REV1: variants seen among roughly 807,000 people sequenced by gnomAD.
REV1 encodes translesion synthesis protein REV1.
Under a neutral mutation model 137.4 loss-of-function variants are expected in REV1, and 42 were observed. That is an observed-to-expected ratio of 0.31 (90% CI 0.24 to 0.40). REV1 has a LOEUF of 0.40. Ranked by LOEUF, REV1 falls within the 10% of genes least tolerant of loss-of-function variation. The pLI is 1.00. For missense variants in REV1, 1,282 were observed against 1,490.1 expected (o/e 0.86, Z 2.30); for synonymous variants, 524 against 519.2 (o/e 1.01, Z -0.12).
chr2:99,429,289 G>A (rs1679805229), intron 9 of REV1, among the ~76,000 whole-genome samples: 1 of 152,066 alleles, frequency 6.6e-6, no homozygotes, highest in African/African-American at 2.4e-5. Context: ...TTATAATTAT[G>A]GTTTCAGATC....
chr2:99,401,054 AT>A lies in REV1; in HGVS notation c.*186del, dbSNP rs1409327094. ...ATAGAATCTATGCTACAGTAAAATA[AT>A]TAACACAATTATTTACATGCAATAC... On this transcript the variant is annotated 3_prime_UTR_variant, in exon 23 of 23. Transcript: ENST00000258428. The A allele has an allele frequency of 2.5e-6, 1 of 395,344 alleles. No individual in the cohort carries two copies. Among genetic ancestry groups the A allele is most frequent in the Non-Finnish European group, 4.4e-6 (1 of 229,002 alleles). The allele number at this position is 395,344 out of a possible 1,614,324, so 24.5% of individuals were successfully genotyped here. A position where few individuals can be genotyped will look rare whatever the true frequency, so the allele number is the denominator to read the frequency against.
chr2:99,400,847 G>A lies in REV1; in HGVS notation c.*394C>T, dbSNP rs1156655844. 1 of 155,020 alleles carries A rather than the reference G, an allele frequency of 6.5e-6. No homozygotes were observed. Among genetic ancestry groups the A allele is most frequent in the Non-Finnish European group, 1.4e-5 (1 of 69,780 alleles). The allele number at this position is 155,020 out of a possible 1,614,324, so 9.6% of individuals were successfully genotyped here. On this transcript the variant is annotated 3_prime_UTR_variant, in exon 23 of 23. Transcript: ENST00000258428. ...GACCTCTCAGGAATTTCAGAGCTTA[G>A]CAGTCTGGCCTGGAGGTTTTTCAGC...
chr2:99,477,424 C>G (rs544265223), intron 1 of REV1, among the ~76,000 whole-genome samples: 1 of 152,282 alleles, frequency 6.6e-6, no homozygotes, highest in South Asian at 2.1e-4. Flanking sequence ...TGTGGAACCC[C>G]TAAAACACTG....
chr2:99,429,907 C>G lies in REV1; in HGVS notation c.1480G>C (p.Ala494Pro). The stretch of plus-strand genomic sequence containing the variant: ...ACAGAATCAATTCCATTTGCTTGCG[C>G]AGAATCTGGATTCTCCCACAATGAT... Reference protein sequence around the residue: ...DSSLWENPDSAQANGIDSVLS... With the variant: ...DSSLWENPDSPQANGIDSVLS... Residue 494 changes from alanine to proline, a missense_variant, in exon 9 of 23, where the codon GCG becomes CCG. Around this residue, in one of 7 missense-constraint regions of REV1, gnomAD observed 432 missense variants for 438.0 expected, o/e 0.99. Transcript: ENST00000258428. The G allele has an allele frequency of 6.2e-7, 1 of 1,603,008 alleles. No homozygotes were observed. Among genetic ancestry groups the G allele is most frequent in the African/African-American group, 1.3e-5 (1 of 74,608 alleles).
chr2:99,403,860 G>A, intron 18 of REV1, 45 bp from the exon 19 acceptor site: 1 of 1,602,420 alleles, frequency 6.2e-7, no homozygotes, highest in Non-Finnish European at 8.5e-7. Flanking sequence ...GCTAATTGTA[G>A]ATGGTAGCTG....
chr2:99,404,372 G>C (rs923653505), intron 18 of REV1, 72 bp downstream of exon 18: 1 of 1,246,094 alleles, frequency 8.0e-7, no homozygotes, highest in Non-Finnish European at 1.2e-6. Flanking sequence ...AGGGAAGTGA[G>C]ACAGGTCCTA....
intron 22 of REV1, 107 bp downstream of exon 22, chr2:99,402,128 CTTTCTCATT>C: frequency 1.7e-6 from 1 of 573,236 alleles, no homozygotes; most frequent in Non-Finnish European, 3.1e-6. Flanking sequence ...AAGGATATCA[CTTTCTCATT>C]AACCCTAATG....
intron 1 of REV1, among the ~76,000 whole-genome samples, chr2:99,470,511 T>C (rs28369931): frequency 0.013 from 1,999 of 152,332 alleles, 44 homozygotes; most frequent in African/African-American, 0.046. Flanking sequence ...ATCAATGTAC[T>C]TTATGTTCTT....
chr2:99,402,069 G>A (rs1159112382), intron 22 of REV1, among the ~76,000 whole-genome samples, 175 bp downstream of exon 22: 1 of 152,088 alleles, frequency 6.6e-6, no homozygotes, highest in Non-Finnish European at 1.5e-5. Context: ...AGACCTTGAG[G>A]GCAACATATT....
chr2:99,402,838 A>C, intron 20 of REV1, 38 bp from the exon 21 acceptor site: 1 of 1,613,522 alleles, frequency 6.2e-7, no homozygotes, highest in Non-Finnish European at 8.5e-7. Context: ...CTATATTCAC[A>C]CATTATCCAG....
In REV1 at chr2:99,443,447, T is replaced by C. The variant is rs549004742; in HGVS notation, c.351-978A>G. On this transcript the variant is annotated intron_variant, in intron 4 of 22. Coordinates refer to ENST00000258428, the MANE Select transcript of REV1 (RefSeq NM_016316.4). ...CACAAAACTTTTTAAAAAATAATCA[T>C]TTAAGAAATGACTGAATTGGCTTAC... Among the ~76,000 whole-genome samples the C allele has an allele frequency of 2.6e-5, 4 of 152,330 alleles. No homozygotes were observed. The East Asian group carries it at 5.8e-4, about 22-fold the overall frequency.
At chr2:99,486,360 T>C (rs1041692873) in intron 1 of REV1, among the ~76,000 whole-genome samples, 1 of 151,890 alleles carries the variant, frequency 6.6e-6, no homozygotes, top group Non-Finnish European at 1.5e-5. Context: ...AAACCCCGTC[T>C]CTACTAAAAA....
At chr2:99,409,668 A>G (rs1204682160) in intron 14 of REV1, among the ~76,000 whole-genome samples, 2 of 152,036 alleles carry the variant, frequency 1.3e-5, no homozygotes, top group Non-Finnish European at 2.9e-5. Context: ...ACATAGTGAA[A>G]CCCTATCTCT....
chr2:99,489,290 G>C (rs889128708), intron 1 of REV1, among the ~76,000 whole-genome samples: 1 of 152,192 alleles, frequency 6.6e-6, no homozygotes, highest in South Asian at 2.1e-4. Context: ...GCGGGGTGCG[G>C]AAAAACGCTG....
chr2:99,404,340 T>C, intron 18 of REV1, 104 bp downstream of exon 18: 2 of 696,806 alleles, frequency 2.9e-6, no homozygotes, highest in South Asian at 1.5e-5. Context: ...CCAGTGGATG[T>C]GGTGTCAGAT....
chr2:99,480,859 T>TA (rs1384419086), intron 1 of REV1, among the ~76,000 whole-genome samples: 1 of 152,154 alleles, frequency 6.6e-6, no homozygotes, highest in African/African-American at 2.4e-5. Flanking sequence ...TATATACTTT[T>TA]AAAAAAACAA....
At chr2:99,414,606 C>T (rs1677605910) in intron 12 of REV1, among the ~76,000 whole-genome samples, 1 of 152,232 alleles carries the variant, frequency 6.6e-6, no homozygotes, top group South Asian at 2.1e-4. Context: ...ACACTTTGCA[C>T]AGCTATTTGC....
intron 9 of REV1, among the ~76,000 whole-genome samples, chr2:99,425,294 T>A (rs533812211): frequency 6.6e-6 from 1 of 152,174 alleles, no homozygotes; most frequent in African/African-American, 2.4e-5. Flanking sequence ...CAGCAGTAGA[T>A]GCAAAATCAC....
intron 5 of REV1, among the ~76,000 whole-genome samples, chr2:99,439,947 GCTAA>G (rs1391005106): frequency 2.6e-5 from 4 of 152,192 alleles, no homozygotes; most frequent in Non-Finnish European, 5.9e-5. Flanking sequence ...CTATTAATGA[GCTAA>G]CTGTTGCACA....
Sources: allele counts gnomAD v4.1 joint callset (sites outside exome capture counted in the v4.1 genomes callset), GRCh38; gene constraint gnomAD v4.1.1; regional missense constraint gnomAD v4.1.1; transcripts MANE v1.5; gene names NCBI Gene and HGNC (gene_info 2026-07-23, HGNC 2026-07-21).